The following CTNNA2 variants were observed in gnomAD, a reference collection of about 807,000 sequenced individuals.
CTNNA2 encodes catenin alpha-2.
A neutral mutation model predicts 101.0 loss-of-function variants in CTNNA2; 42 were observed. That is an observed-to-expected ratio of 0.42 (90% confidence interval 0.32 to 0.54). The LOEUF is 0.54. Ranked by LOEUF, CTNNA2 falls within the 20% of genes least tolerant of loss-of-function variation. The pLI is 0.14. For synonymous variants in CTNNA2, 450 were observed against 456.4 expected, an observed-to-expected ratio of 0.99 and a Z score of 0.18; for missense variants, 871 against 1,223.1, an observed-to-expected ratio of 0.71 and a Z score of 4.29.
intron 1 of CTNNA2, among the ~76,000 whole-genome samples, chr2:79,520,874 G>C (rs915007113): frequency 2.8e-4 from 43 of 151,930 alleles, no homozygotes; most frequent in Admixed American, 2.8e-3. Context: ...TACATTGCTG[G>C]TGGGAATGTA....
intron 4 of CTNNA2, 47 bp from the exon 5 acceptor site, chr2:79,869,769 A>G (rs1398698195): frequency 6.3e-7 from 1 of 1,591,740 alleles, no homozygotes; most frequent in Admixed American, 1.8e-5. Flanking sequence ...GTTGAATAAT[A>G]TTTAAATACT....
At chr2:79,743,610 T>C (rs569813332) in intron 2 of CTNNA2, among the ~76,000 whole-genome samples, 25 of 151,908 alleles carry the variant, frequency 1.6e-4, no homozygotes, top group Admixed American at 1.2e-3. Context: ...CTAGATTAAC[T>C]GCAACCTCTG....
chr2:80,318,414 T>G (rs543566983), intron 7 of CTNNA2, among the ~76,000 whole-genome samples: 23 of 152,148 alleles, frequency 1.5e-4, no homozygotes, highest in African/African-American at 4.8e-4. Context: ...CCTGGTGTAG[T>G]GAAGATAGAG....
intron 7 of CTNNA2, among the ~76,000 whole-genome samples, chr2:80,247,033 G>A (rs383452): frequency 0.52 from 78,468 of 151,832 alleles, 21,097 homozygotes; most frequent in Non-Finnish European, 0.61. Context: ...ATAGAATGTC[G>A]TTTAGTGAGT....
intron 2 of CTNNA2, among the ~76,000 whole-genome samples, chr2:79,663,152 C>T (rs925219795): frequency 1.3e-5 from 2 of 152,166 alleles, no homozygotes; most frequent in African/African-American, 4.8e-5. Flanking sequence ...TTGCTCAGAT[C>T]TGCCACTTTC....
At chr2:79,450,706 T>C (rs1457998841) in intron 4 of CTNNA2, among the ~76,000 whole-genome samples, 2 of 152,112 alleles carry the variant, frequency 1.3e-5, no homozygotes, top group African/African-American at 2.4e-5. Flanking sequence ...CATAGGCTAA[T>C]TGATACAAAC....
At chr2:79,236,076 G>A (rs1452332517) in intron 2 of CTNNA2, among the ~76,000 whole-genome samples, 1 of 152,076 alleles carries the variant, frequency 6.6e-6, no homozygotes, top group Non-Finnish European at 1.5e-5. Flanking sequence ...GGAGGATACA[G>A]CCACCAGATG....
chr2:79,567,905 A>AAG (rs1431684489), intron 1 of CTNNA2, among the ~76,000 whole-genome samples: 2 of 152,178 alleles, frequency 1.3e-5, no homozygotes, highest in Non-Finnish European at 2.9e-5. Context: ...ACCTGAAGAC[A>AAG]AATTACTGAG....
chr2:79,830,494 A>G (rs1221474408), intron 3 of CTNNA2, among the ~76,000 whole-genome samples: 1 of 152,104 alleles, frequency 6.6e-6, no homozygotes, highest in African/African-American at 2.4e-5. Flanking sequence ...ACAAAACAAG[A>G]ATCCTAGGAC....
chr2:79,708,319 G>A (rs1040579364), intron 2 of CTNNA2, among the ~76,000 whole-genome samples: 2 of 152,082 alleles, frequency 1.3e-5, no homozygotes, highest in African/African-American at 2.4e-5. Flanking sequence ...GTAAGTAGGC[G>A]GGAACTTGTA....
chr2:80,175,052 G>A (rs1425466493), intron 7 of CTNNA2, among the ~76,000 whole-genome samples: 1 of 152,160 alleles, frequency 6.6e-6, no homozygotes, highest in Non-Finnish European at 1.5e-5. Flanking sequence ...AGTCCTGCAT[G>A]GTCTAGCTCT....
chr2:80,401,433 A>G (rs1678538929), intron 8 of CTNNA2, among the ~76,000 whole-genome samples: 1 of 152,216 alleles, frequency 6.6e-6, no homozygotes. Context: ...ACCCTAATCC[A>G]GTAGTTTCCT....
At chr2:80,371,842 A>G (rs1431128463) in intron 7 of CTNNA2, among the ~76,000 whole-genome samples, 1 of 152,148 alleles carries the variant, frequency 6.6e-6, no homozygotes, top group Admixed American at 6.6e-5. Flanking sequence ...TTGGCATTGG[A>G]GAATTTCAGG....
At chr2:79,848,347 G>A (rs945445443) in intron 3 of CTNNA2, among the ~76,000 whole-genome samples, 1 of 152,088 alleles carries the variant, frequency 6.6e-6, no homozygotes, top group African/African-American at 2.4e-5. Context: ...CTTAAGCTTA[G>A]ATCATCACTG....
chr2:79,975,927 G>C (rs1258915676), intron 7 of CTNNA2, among the ~76,000 whole-genome samples: 1 of 152,136 alleles, frequency 6.6e-6, no homozygotes, highest in Non-Finnish European at 1.5e-5. Context: ...CCGTTAGTGA[G>C]GCGCCCAACC....
At chr2:80,267,627 G>C (rs192277129) in intron 7 of CTNNA2, among the ~76,000 whole-genome samples, 1 of 152,176 alleles carries the variant, frequency 6.6e-6, no homozygotes, top group Non-Finnish European at 1.5e-5. Flanking sequence ...GAGACGATTC[G>C]CTCTAAATGA....
exon 2 of CTNNA2, chr2:79,198,050 G>A (rs950755416): frequency 1.3e-5 from 2 of 152,244 alleles, no homozygotes; most frequent in African/African-American, 2.4e-5. Context: ...GGAATTACAG[G>A]TGTGAGCCAC....
chr2:80,541,472 G>C (rs1269873346), intron 9 of CTNNA2, among the ~76,000 whole-genome samples: 2 of 152,182 alleles, frequency 1.3e-5, no homozygotes, highest in East Asian at 3.9e-4. Context: ...TGGGTGAGGA[G>C]TTAGGCCTAA....
At chr2:79,609,514 A>G (rs558134364) in intron 1 of CTNNA2, among the ~76,000 whole-genome samples, 1 of 152,222 alleles carries the variant, frequency 6.6e-6, no homozygotes, top group South Asian at 2.1e-4. Context: ...AGGTATAAGT[A>G]TGTTGGAGGA....
Sources: allele counts gnomAD v4.1 joint callset (sites outside exome capture counted in the v4.1 genomes callset), GRCh38; gene constraint gnomAD v4.1.1; transcripts MANE v1.5; gene names NCBI Gene and HGNC (gene_info 2026-07-23, HGNC 2026-07-21).